The following CCDC180 variants were observed in gnomAD, a reference collection of about 807,000 sequenced individuals.
CCDC180 encodes the protein coiled-coil domain-containing protein 180.
CCDC180 carries 154 observed loss-of-function variants against 209.2 expected under a neutral mutation model. The ratio of observed to expected loss-of-function variants is 0.74; its 90% CI spans 0.65 to 0.84. The LOEUF (loss-of-function observed/expected upper bound fraction) is 0.84. Among genes scored for constraint, CCDC180 ranks in the 40% least tolerant of loss-of-function variants. CCDC180 has a pLI of 0.00. For synonymous variants in CCDC180, 778 were observed against 749.1 expected (o/e 1.04, Z -0.63); for missense variants, 1,874 against 1,997.3 (o/e 0.94, Z 1.18).
At chr9:97,346,452 T>C (rs1460682453) in intron 19 of CCDC180, among the ~76,000 whole-genome samples, 2 of 152,206 alleles carry the variant, frequency 1.3e-5, no homozygotes. Context: ...GAAGAAATGA[T>C]AAGCTGAGAA....
Position 97,366,441 on chromosome 9 carries a change from G to A in CCDC180, c.4048-118G>A, listed in dbSNP as rs1826921319. 9.5e-7 allele frequency: 1 copy of A among 1,056,996 alleles called. No individual in the cohort carries two copies. The highest frequency in any genetic ancestry group is 1.6e-5 in the African/African-American group (1 of 62,442). 65.5% of individuals were successfully genotyped at this position (1,056,996 alleles called of 1,614,324 possible). A position where few individuals can be genotyped will look rare whatever the true frequency, so the allele number is the denominator to read the frequency against. On this transcript the variant is annotated intron_variant, in intron 30 of 36. Coordinates refer to ENST00000529487, the MANE Select transcript of CCDC180 (RefSeq NM_020893.6). This position sits in a 1 kb window ranked among gnomAD's most constrained non-coding sequence, Gnocchi z 4.3. The stretch of plus-strand genomic sequence containing the variant: ...AGTGTCTGCTCGTGTCACTTCCACA[G>A]GGGATGCCACGAGCAAAGGCTAGGG...
At chr9:97,373,263 A>G (rs1827153214) in intron 34 of CCDC180, 1 of 152,254 alleles carries the variant, frequency 6.6e-6, no homozygotes, top group South Asian at 2.1e-4. Flanking sequence ...TCATACATTA[A>G]ATGTTATCCA....
Position 97,324,082 on chromosome 9 carries a change from G to A in CCDC180, c.1371+179G>A, listed in dbSNP as rs1208503988. 9.2e-6 allele frequency: 6 copies of A among 655,438 alleles called. No homozygotes were observed. The African/African-American group carries it at 1.1e-4, about 12-fold the overall frequency. 40.6% of individuals were successfully genotyped at this position (655,438 alleles called of 1,614,324 possible). A position where few individuals can be genotyped will look rare whatever the true frequency, so the allele number is the denominator to read the frequency against. On this transcript the variant is annotated intron_variant, in intron 13 of 36. Coordinates refer to ENST00000529487, the MANE Select transcript of CCDC180 (RefSeq NM_020893.6). ...CTGGCCACTCCAAGCTCACTCACCG[G>A]ACTCCTCCCAGCCACCCACTGACAT...
In CCDC180 at chr9:97,350,554, A is replaced by G. The variant is rs912704834; in HGVS notation, c.3001A>G (p.Arg1001Gly). The G allele has an allele frequency of 8.1e-5, 124 of 1,536,288 alleles. No homozygotes were observed. Among genetic ancestry groups the G allele is most frequent in the Non-Finnish European group, 1.0e-4 (115 of 1,146,980 alleles). The change falls in exon 22 of 37, where the codon AGA becomes GGA. Residue 1001 changes from arginine to glycine, a missense_variant and splice_region_variant. By Grantham distance (125) the Arg-to-Gly change is moderately radical (BLOSUM62 -2). Transcript: ENST00000529487. Reference protein sequence around the residue: ...YSNIEFIKHCRLFSEGGNFSP... With the variant: ...YSNIEFIKHCGLFSEGGNFSP... Reference sequence around the variant, plus strand: ...AAATATTGAGTTCATCAAACACTGCAGGTGGGAGCCAGTGTCCAGGGCCTC... The same window carrying G: ...AAATATTGAGTTCATCAAACACTGCGGGTGGGAGCCAGTGTCCAGGGCCTC...
At chr9:97,344,164 T>G (rs1421842091) in intron 19 of CCDC180, among the ~76,000 whole-genome samples, 1 of 152,166 alleles carries the variant, frequency 6.6e-6, no homozygotes, top group African/African-American at 2.4e-5. Flanking sequence ...CCTTTGTGTT[T>G]GAGTTTGGAT....
At chr9:97,355,051 A>C in intron 24 of CCDC180, 43 bp downstream of exon 24, 1 of 1,308,826 alleles carries the variant, frequency 7.6e-7, no homozygotes, top group South Asian at 1.2e-5. Flanking sequence ...TATCACACAC[A>C]CCTGCACACC....
At chr9:97,329,961 G>C (rs12352173) in intron 16 of CCDC180, among the ~76,000 whole-genome samples, 193 bp from the exon 17 acceptor site, 1 of 151,776 alleles carries the variant, frequency 6.6e-6, no homozygotes, top group Non-Finnish European at 1.5e-5. Flanking sequence ...CCAGCTACTC[G>C]GGAGGCTGAG....
At position 97,330,708 on chromosome 9, in the gene CCDC180, G is replaced by A. The variant is rs1283892364; in HGVS notation, c.2215G>A (p.Glu739Lys). ...GGAAGAGGAGGAGGAGGAGAAGCTG[G>A]AGGAAGAGAAGGAGGAGAAGGAGGC... ...KEEEEEEEKL[E>K]EEKEEKEAQE... The change falls in exon 18 of 37, where the codon GAG becomes AAG. Residue 739 changes from glutamate (E) to lysine (K), a missense_variant. Transcript: ENST00000529487. 1.3e-6 allele frequency: 2 copies of A among 1,496,832 alleles called. No individual in the cohort carries two copies. Among genetic ancestry groups the A allele is most frequent in the Non-Finnish European group, 9.0e-7 (1 of 1,116,712 alleles). 92.7% of individuals were successfully genotyped at this position (1,496,832 alleles called of 1,614,324 possible).
rs970906983 is a variant in CCDC180 at position 97,378,445 on chromosome 9, C to T, written c.*1551C>T. 1 of 152,242 alleles carries T rather than the reference C, an allele frequency of 6.6e-6. No individual in the cohort carries two copies. The highest frequency in any genetic ancestry group is 1.5e-5 in the Non-Finnish European group (1 of 68,030). The allele number at this position is 152,242 out of a possible 1,614,324, so 9.4% of individuals were successfully genotyped here. A position where few individuals can be genotyped will look rare whatever the true frequency, so the allele number is the denominator to read the frequency against. ...ATGTTCTAAACACACGGTCCTTGCA[C>T]ACATACACAACTTGAGACCAACAGG... On this transcript the variant is annotated 3_prime_UTR_variant, in exon 37 of 37. Transcript: ENST00000529487.
At chr9:97,311,794 C>T (rs1198476827) in intron 3 of CCDC180, among the ~76,000 whole-genome samples, 1 of 152,210 alleles carries the variant, frequency 6.6e-6, no homozygotes, top group East Asian at 1.9e-4. Context: ...CGTACCCCTT[C>T]TGATCCTCAG....
At chr9:97,325,511 A>T (rs1432922567) in intron 14 of CCDC180, among the ~76,000 whole-genome samples, 1 of 152,246 alleles carries the variant, frequency 6.6e-6, no homozygotes, top group African/African-American at 2.4e-5. Context: ...GGAGAATAAC[A>T]TGAACCAACC....
In CCDC180 at chr9:97,323,843, C is replaced by G; in HGVS notation, c.1311C>G (p.Phe437Leu). The G allele has an allele frequency of 1.9e-6, 3 of 1,556,218 alleles. No individual in the cohort carries two copies. The highest frequency in any genetic ancestry group is 1.7e-6 in the Non-Finnish European group (2 of 1,149,374). Residue 437 changes from phenylalanine (F) to leucine (L), a missense_variant, in exon 13 of 37, where the codon TTC (phenylalanine) becomes TTG (leucine). Transcript: ENST00000529487. ...EEEAETLVNQ[F>L]FFQMVGALQG... ...AGGCAGAGACCCTGGTGAACCAGTTCTTCTTCCAGATGGTGGGAGCACTCC... is the reference window on the plus strand; with the variant it reads ...AGGCAGAGACCCTGGTGAACCAGTTGTTCTTCCAGATGGTGGGAGCACTCC...
chr9:97,352,875 C>T (rs572750200), intron 22 of CCDC180, among the ~76,000 whole-genome samples: 2 of 151,588 alleles, frequency 1.3e-5, no homozygotes, highest in South Asian at 4.2e-4. Context: ...GAACCTTCTG[C>T]AAATCTATTC....
intron 18 of CCDC180, among the ~76,000 whole-genome samples, chr9:97,338,362 T>G (rs1321501165): frequency 2.0e-5 from 3 of 152,232 alleles, no homozygotes; most frequent in African/African-American, 4.8e-5. Context: ...GTACATTGTG[T>G]CTTTGTTCTC....
intron 24 of CCDC180, among the ~76,000 whole-genome samples, chr9:97,357,332 A>G (rs745799232): frequency 6.6e-6 from 1 of 152,154 alleles, no homozygotes; most frequent in Non-Finnish European, 1.5e-5. Context: ...TGACCTTTCT[A>G]TGGCTCTCGA....
intron 18 of CCDC180, among the ~76,000 whole-genome samples, chr9:97,331,047 TTG>T (rs200395425): frequency 6.6e-6 from 1 of 152,022 alleles, no homozygotes; most frequent in Non-Finnish European, 1.5e-5. Flanking sequence ...CCAATAGTTG[TTG>T]TTTTTTTTTC....
At chr9:97,376,700 C>T in intron 36 of CCDC180, 63 bp from the exon 37 acceptor site, 1 of 1,567,144 alleles carries the variant, frequency 6.4e-7, no homozygotes, top group Middle Eastern at 2.2e-4. Flanking sequence ...TACAGCATTG[C>T]CCTAGGGGAG....
At chr9:97,325,746 G>A (rs554446559) in intron 14 of CCDC180, among the ~76,000 whole-genome samples, 20 of 152,336 alleles carry the variant, frequency 1.3e-4, no homozygotes, top group Non-Finnish European at 2.2e-4. Context: ...GGAAGCCAGA[G>A]GGTAGTGCCG....
rs751203145 is a variant in CCDC180 at position 97,317,103 on chromosome 9, C to T, written c.834C>T (p.Leu278=). The change falls in exon 9 of 37, where the codon CTC becomes CTT. Residue 278 remains leucine, a synonymous_variant. Coordinates refer to ENST00000529487, the MANE Select transcript of CCDC180 (RefSeq NM_020893.6). ...CCCTGCTGGGCAACCGGAAGGCTCT[C>T]GCCCAGCTGTTTGTCAACCTGATGG... is the stretch of plus-strand genomic sequence containing the variant. The part of the protein sequence containing the change: ...NYALLGNRKA[L]AQLFVNLMES... The T allele has an allele frequency of 5.3e-5, 86 of 1,613,326 alleles. No individual in the cohort carries two copies. The highest frequency in any genetic ancestry group is 6.9e-5 in the Non-Finnish European group (81 of 1,179,844).
Sources: allele counts gnomAD v4.1 joint callset (sites outside exome capture counted in the v4.1 genomes callset), GRCh38; gene constraint gnomAD v4.1.1; non-coding constraint Gnocchi (gnomAD v3.1); transcripts MANE v1.5; gene names NCBI Gene and HGNC (gene_info 2026-07-23, HGNC 2026-07-21).